EIF4E: variants seen among roughly 807,000 people sequenced by gnomAD.
The protein encoded by EIF4E is eukaryotic translation initiation factor 4E.
For synonymous variants in EIF4E, 71 were observed against 88.5 expected (o/e 0.80, Z 1.11); for missense variants, 113 against 265.6 (o/e 0.43, Z 3.99).
At chr4:98,901,259 G>A (rs112050937) in intron 2 of EIF4E, among the ~76,000 whole-genome samples, 10,168 of 150,222 alleles carry the variant, frequency 0.068, 1,116 homozygotes, top group African/African-American at 0.23. Context: ...AGGCAATGGC[G>A]CGATCTCAGT....
intron 2 of EIF4E, chr4:98,895,154 T>C (rs1025108669): frequency 6.6e-6 from 1 of 152,008 alleles, no homozygotes; most frequent in Non-Finnish European, 1.5e-5. Flanking sequence ...ACAGATACAA[T>C]AAAAGTTTGA....
chr4:98,901,445 C>T (rs1054207654), intron 2 of EIF4E, among the ~76,000 whole-genome samples: 5 of 138,840 alleles, frequency 3.6e-5, no homozygotes, highest in Admixed American at 7.0e-5. Flanking sequence ...GTGATCCGCC[C>T]GCCTCCGCCT....
At chr4:98,902,454 T>C (rs1724692058) in intron 1 of EIF4E, among the ~76,000 whole-genome samples, 1 of 152,206 alleles carries the variant, frequency 6.6e-6, no homozygotes, top group Admixed American at 6.5e-5. Flanking sequence ...AACCATTCTC[T>C]ATTCTCATAT....
intron 2 of EIF4E, among the ~76,000 whole-genome samples, chr4:98,894,781 A>C (rs1365404071): frequency 6.6e-6 from 1 of 152,194 alleles, no homozygotes; most frequent in Non-Finnish European, 1.5e-5. Flanking sequence ...CTTTGCTTTC[A>C]CAACCTGGCT....
intron 1 of EIF4E, among the ~76,000 whole-genome samples, chr4:98,920,263 A>C (rs1406328697): frequency 6.6e-6 from 1 of 151,982 alleles, no homozygotes; most frequent in East Asian, 1.9e-4. Flanking sequence ...TTCCTTTGTA[A>C]ACCTATGCAT....
At position 98,929,107 on chromosome 4, in the gene EIF4E, C is replaced by A. The variant is rs1157373154; in HGVS notation, c.6G>T (p.Ala2=). The A allele has an allele frequency of 6.3e-7, 1 of 1,578,844 alleles. No individual in the cohort carries two copies. Among genetic ancestry groups the A allele is most frequent in the Non-Finnish European group, 8.6e-7 (1 of 1,162,024 alleles). Residue 2 remains alanine (A), a synonymous_variant, in exon 1 of 7, where the codon GCG becomes GCT. Coordinates refer to ENST00000450253, the MANE Select transcript of EIF4E (RefSeq NM_001968.5). ...AGGCAATACTCACCGGTTCGACAGT[C>A]GCCATCTTAGATCGATCTGATCGCA... M[A]TVEPETTPTP...
At chr4:98,902,477 A>G (rs1224580944) in intron 1 of EIF4E, among the ~76,000 whole-genome samples, 4 of 152,236 alleles carry the variant, frequency 2.6e-5, no homozygotes, top group Non-Finnish European at 5.9e-5. Flanking sequence ...CTTCATTAAG[A>G]GCAAAGAGCA....
At position 98,879,836 on chromosome 4, in the gene EIF4E, T is replaced by TA. The variant is rs1388927348; in HGVS notation, c.*1191dup. On this transcript the variant is annotated 3_prime_UTR_variant, in exon 7 of 7. Coordinates refer to ENST00000450253, the MANE Select transcript of EIF4E (RefSeq NM_001968.5). ...GACTGAATGACTGTGCCTTACTTTA[T>TA]AAAAAAACAAAGATAGCCACATCAA... 7 of 152,084 alleles carry TA rather than the reference T, an allele frequency of 4.6e-5. No homozygotes were observed. The highest frequency in any genetic ancestry group is 4.6e-4 in the Admixed American group (7 of 15,256). 9.4% of individuals were successfully genotyped at this position (152,084 alleles called of 1,614,324 possible).
At chr4:98,909,525 T>C in intron 1 of EIF4E, 1 of 614,912 alleles carries the variant, frequency 1.6e-6, no homozygotes, top group Non-Finnish European at 2.9e-6. Context: ...AAACACCCTG[T>C]ACATAAAAGT....
intron 2 of EIF4E, among the ~76,000 whole-genome samples, chr4:98,897,430 G>C (rs1724455473): frequency 6.6e-6 from 1 of 151,978 alleles, no homozygotes; most frequent in South Asian, 2.1e-4. Flanking sequence ...AATTAGATGG[G>C]CATGGTGGCA....
intron 1 of EIF4E, among the ~76,000 whole-genome samples, chr4:98,917,120 ACACACACACACAC>A (rs1560652611): frequency 5.5e-5 from 3 of 54,492 alleles, no homozygotes; most frequent in Non-Finnish European, 1.0e-4. Flanking sequence ...ACACACACAC[ACACACACACACAC>A]AAAAAAAACC....
chr4:98,926,932 A>C (rs948626051), intron 1 of EIF4E, among the ~76,000 whole-genome samples: 1 of 152,172 alleles, frequency 6.6e-6, no homozygotes, highest in African/African-American at 2.4e-5. Flanking sequence ...GCAAAACTCA[A>C]GGGACCTAAA....
At chr4:98,898,328 G>A (rs1359231713) in intron 2 of EIF4E, among the ~76,000 whole-genome samples, 1 of 152,154 alleles carries the variant, frequency 6.6e-6, no homozygotes, top group African/African-American at 2.4e-5. Flanking sequence ...CAAAAATGCG[G>A]CCAGGTGCGG....
At chr4:98,924,696 G>C (rs972790583) in intron 1 of EIF4E, among the ~76,000 whole-genome samples, 1 of 152,042 alleles carries the variant, frequency 6.6e-6, no homozygotes, top group Admixed American at 6.5e-5. Context: ...AGGTTCAAGC[G>C]ATTCTCCTGC....
chr4:98,886,625 G>C (rs1723931407), intron 5 of EIF4E: 1 of 353,368 alleles, frequency 2.8e-6, no homozygotes, highest in South Asian at 2.2e-5. Flanking sequence ...TGAAGTGGGA[G>C]GATCACTTGA....
In EIF4E at chr4:98,895,456, G is replaced by GCAGT. The variant is rs1210614825; in HGVS notation, c.126-4128_126-4125dup. Reference sequence around the variant, plus strand: ...ATTCTCTGAATTACAATACCAAAGGGCAGTCAAAGGGAAATTTCATTTTCT... The same window carrying GCAGT: ...ATTCTCTGAATTACAATACCAAAGGGCAGTCAGTCAAAGGGAAATTTCATTTTCT... On this transcript the variant is annotated intron_variant, in intron 2 of 6. Coordinates refer to ENST00000450253, the MANE Select transcript of EIF4E (RefSeq NM_001968.5). The GCAGT allele has an allele frequency of 2.0e-5, 3 of 152,258 alleles. No individual in the cohort carries two copies. The East Asian group carries it at 5.8e-4, about 29-fold the overall frequency. The allele number at this position is 152,258 out of a possible 1,614,324, so 9.4% of individuals were successfully genotyped here. A position where few individuals can be genotyped will look rare whatever the true frequency, so the allele number is the denominator to read the frequency against.
intron 6 of EIF4E, among the ~76,000 whole-genome samples, chr4:98,882,133 C>T (rs963765451): frequency 6.6e-6 from 1 of 151,962 alleles, no homozygotes; most frequent in South Asian, 2.1e-4. Flanking sequence ...TGGCTCACGC[C>T]TGTAATCCCA....
chr4:98,883,678 C>T (rs1257249412), intron 6 of EIF4E, among the ~76,000 whole-genome samples: 6 of 151,992 alleles, frequency 3.9e-5, no homozygotes, highest in Non-Finnish European at 8.8e-5. Context: ...GCTGCGATTA[C>T]AGGTGTGAGC....
intron 6 of EIF4E, 56 bp from the exon 7 acceptor site, chr4:98,881,198 G>T: frequency 6.3e-7 from 1 of 1,576,230 alleles, no homozygotes; most frequent in Non-Finnish European, 8.6e-7. Flanking sequence ...TTACTCACAA[G>T]AAATACATTT....
Sources: gnomAD v4.1 joint callset for allele counts (sites outside exome capture counted in the v4.1 genomes callset) on GRCh38, gnomAD v4.1.1 for gene constraint, MANE v1.5 for transcripts, NCBI Gene and HGNC (gene_info 2026-07-23, HGNC 2026-07-21) for gene names.